JMY: variants seen among roughly 807,000 people sequenced by gnomAD.
The protein encoded by JMY is junction-mediating and -regulatory protein.
Under a neutral mutation model 103.3 loss-of-function variants are expected in JMY, and 46 were observed. The ratio of observed to expected loss-of-function variants is 0.45; its 90% CI spans 0.35 to 0.57. The LOEUF is 0.57. Ranked by LOEUF, JMY falls within the 20% of genes least tolerant of loss-of-function variation. JMY has a pLI of 0.00. For missense variants in JMY, 1,238 were observed against 1,255.2 expected (o/e 0.99, Z 0.21); for synonymous variants, 526 against 489.3 (o/e 1.07, Z -0.99).
At chr5:79,283,123 G>T (rs1746170744) in intron 2 of JMY, among the ~76,000 whole-genome samples, 1 of 151,968 alleles carries the variant, frequency 6.6e-6, no homozygotes, top group Non-Finnish European at 1.5e-5. Flanking sequence ...TCCCGGAGTA[G>T]CTGGGATTAC....
intron 1 of JMY, among the ~76,000 whole-genome samples, chr5:79,255,303 G>A (rs1460383485): frequency 3.9e-5 from 6 of 151,970 alleles, no homozygotes; most frequent in Admixed American, 3.9e-4. Flanking sequence ...CGCCATGTTG[G>A]CCAGGCTGGT....
At chr5:79,309,683 C>T (rs1399337605) in intron 7 of JMY, among the ~76,000 whole-genome samples, 1 of 152,176 alleles carries the variant, frequency 6.6e-6, no homozygotes, top group Admixed American at 6.5e-5. Context: ...TTCATTTTAA[C>T]CACATAAAAT....
intron 1 of JMY, among the ~76,000 whole-genome samples, chr5:79,275,622 G>C (rs972213261): frequency 1.3e-5 from 2 of 152,136 alleles, no homozygotes; most frequent in African/African-American, 4.8e-5. Flanking sequence ...ACTCTGTAGT[G>C]CCTACAGGCA....
In JMY at chr5:79,300,243, G is replaced by A. The variant is rs1400504849; in HGVS notation, c.1618G>A (p.Val540Ile). Residue 540 changes from valine to isoleucine, a missense_variant, in exon 5 of 11, where the codon GTA (valine) becomes ATA (isoleucine). Transcript: ENST00000396137. ...YYDLQLQLYE[V>I]QFEILKCEEL... Reference sequence around the variant, plus strand: ...TGATCTGCAACTTCAGTTGTATGAAGTACAGTTTGAAATCTTGAAGTGTGA... The same window carrying A: ...TGATCTGCAACTTCAGTTGTATGAAATACAGTTTGAAATCTTGAAGTGTGA... The A allele has an allele frequency of 6.2e-7, 1 of 1,604,470 alleles. No homozygotes were observed. Among genetic ancestry groups the A allele is most frequent in the Middle Eastern group, 1.7e-4 (1 of 6,032 alleles).
At chr5:79,300,617 T>C in intron 5 of JMY, 59 bp from the exon 6 acceptor site, 1 of 1,379,954 alleles carries the variant, frequency 7.2e-7, no homozygotes, top group Non-Finnish European at 9.9e-7. Flanking sequence ...AGAACCTTGT[T>C]CTTTCCAAAC....
Position 79,314,637 on chromosome 5 carries a change from A to ACCCCCCCCCCC in JMY, c.2447_2448insCCCCCCCCCCC (p.Pro820LeufsTer72), listed in dbSNP as rs1747152804. The ACCCCCCCCCCC allele has an allele frequency of 2.8e-6, 1 of 356,784 alleles. No homozygotes were observed. Among genetic ancestry groups the ACCCCCCCCCCC allele is most frequent in the Non-Finnish European group, 4.4e-6 (1 of 229,620 alleles). The allele number at this position is 356,784 out of a possible 1,614,324, so 22.1% of individuals were successfully genotyped here. ...TTCCTCCAACACCACCACCTCCCCCACCTCCTCCCCCTCCCCCACCACCAC... is the reference window on the plus strand; with the variant it reads ...TTCCTCCAACACCACCACCTCCCCCACCCCCCCCCCCCCTCCTCCCCCTCCCCCACCACCAC... On this transcript the variant is annotated frameshift_variant, in exon 9 of 11. Coordinates refer to ENST00000396137, the MANE Select transcript of JMY (RefSeq NM_152405.5). LOFTEE classifies it high-confidence loss of function.
At position 79,281,057 on chromosome 5, in the gene JMY, T is replaced by G. The variant is rs536461883; in HGVS notation, c.1206+2974T>G. Among the ~76,000 whole-genome samples, 17 of 151,800 alleles carry G rather than the reference T, an allele frequency of 1.1e-4. 1 individual carries two copies. In the South Asian group the frequency reaches 1.5e-3, roughly 13 times the overall value. On this transcript the variant is annotated intron_variant, in intron 2 of 10. Coordinates refer to ENST00000396137, the MANE Select transcript of JMY (RefSeq NM_152405.5). ...TTTATTTTTATTTTTATTTATTTATTTTTTTGAGACAGAGTCTCGCTCTGT... is the reference window on the plus strand; with the variant it reads ...TTTATTTTTATTTTTATTTATTTATGTTTTTGAGACAGAGTCTCGCTCTGT...
At chr5:79,265,582 T>C (rs181072028) in intron 1 of JMY, among the ~76,000 whole-genome samples, 1 of 151,856 alleles carries the variant, frequency 6.6e-6, no homozygotes, top group East Asian at 1.9e-4. Flanking sequence ...CTCTGTAGAC[T>C]AAAGATTAAA....
chr5:79,278,483 G>A (rs1746012104), intron 2 of JMY, among the ~76,000 whole-genome samples: 2 of 146,486 alleles, frequency 1.4e-5, no homozygotes, highest in African/African-American at 5.1e-5. Flanking sequence ...TGAGCGTGGT[G>A]CCTCACACCC....
chr5:79,314,369 G>C lies in JMY; in HGVS notation c.2177G>C (p.Ser726Thr). 6.2e-7 allele frequency: 1 copy of C among 1,614,152 alleles called. No individual in the cohort carries two copies. Among genetic ancestry groups the C allele is most frequent in the Non-Finnish European group, 8.5e-7 (1 of 1,180,032 alleles). Residue 726 changes from serine to threonine, a missense_variant, in exon 9 of 11, where the codon AGT (serine) becomes ACT (threonine). By Grantham distance (58) the Ser-to-Thr change is moderately conservative. Coordinates refer to ENST00000396137, the MANE Select transcript of JMY (RefSeq NM_152405.5). ...LQEDHCDSLPSVLQVEEKTEE... is the reference protein window; with the variant it reads ...LQEDHCDSLPTVLQVEEKTEE... ...GAGGATCATTGTGACTCTTTACCAA[G>C]TGTGTTACAGGTAGAAGAGAAAACT... is the stretch of plus-strand genomic sequence containing the variant.
chr5:79,318,975 A>G (rs1747350980), intron 10 of JMY, among the ~76,000 whole-genome samples: 1 of 151,996 alleles, frequency 6.6e-6, no homozygotes. Flanking sequence ...TAAAACTACC[A>G]TCTTTGCACT....
chr5:79,237,139 A>T lies in JMY; in HGVS notation c.489A>T (p.Ala163=), dbSNP rs1395054441. The change falls in exon 1 of 11, where the codon GCA becomes GCT. Residue 163 remains alanine (A), a synonymous_variant. Transcript: ENST00000396137. ...KTSEADDAAG[A]AAAAARPAPR... ...CTGAAGCCGACGATGCGGCGGGGGC[A>T]GCCGCTGCAGCAGCCCGGCCGGCGC... 1.3e-6 allele frequency: 2 copies of T among 1,547,946 alleles called. No homozygotes were observed. The highest frequency in any genetic ancestry group is 2.4e-5 in the South Asian group (2 of 83,986).
chr5:79,250,650 C>CTTTTT (rs200738584), intron 1 of JMY, among the ~76,000 whole-genome samples: 3 of 122,738 alleles, frequency 2.4e-5, no homozygotes, highest in Admixed American at 8.4e-5. Context: ...AATTATTTTT[C>CTTTTT]TTTTTTTTTT....
chr5:79,239,685 C>T (rs530439132), intron 1 of JMY, among the ~76,000 whole-genome samples: 10 of 151,974 alleles, frequency 6.6e-5, no homozygotes, highest in South Asian at 2.1e-4. Context: ...GTGGCGGGCA[C>T]CTGTAGTCCT....
intron 1 of JMY, among the ~76,000 whole-genome samples, chr5:79,252,719 T>G (rs1745125743): frequency 1.3e-5 from 2 of 152,254 alleles, no homozygotes; most frequent in Admixed American, 6.5e-5. Flanking sequence ...AATGACCTTC[T>G]TTGTCTCTAG....
intron 7 of JMY, among the ~76,000 whole-genome samples, chr5:79,309,588 T>C (rs1180741405): frequency 6.6e-6 from 1 of 152,202 alleles, no homozygotes; most frequent in Non-Finnish European, 1.5e-5. Flanking sequence ...TTTTCTGTCT[T>C]TAGCATCATA....
In JMY at chr5:79,300,853, G is replaced by T; in HGVS notation, c.1871G>T (p.Arg624Ile). 6.3e-7 allele frequency: 1 copy of T among 1,587,996 alleles called. No individual in the cohort carries two copies. The highest frequency in any genetic ancestry group is 8.5e-7 in the Non-Finnish European group (1 of 1,171,258). ...GTTTCTGCCAAGAAATCCTACCTCA[G>T]AAATAAAAAGGTATTTAAATATTGC... ...GRVSAKKSYLRNKKEICIAKH... is the reference protein window; with the variant it reads ...GRVSAKKSYLINKKEICIAKH... Residue 624 changes from arginine to isoleucine, a missense_variant, in exon 6 of 11, where the codon AGA becomes ATA. By Grantham distance (97) the Arg-to-Ile change is moderately conservative. Transcript: ENST00000396137.
At chr5:79,270,641 A>ATTTAAAATGTATATTTACATAAATG (rs1745751583) in intron 1 of JMY, among the ~76,000 whole-genome samples, 1 of 133,168 alleles carries the variant, frequency 7.5e-6, no homozygotes, top group South Asian at 2.3e-4. Flanking sequence ...TTACATAAAT[A>ATTTAAAATGTATATTTACATAAATG]TTTATATAAA....
At chr5:79,298,056 A>G (rs755080520) in intron 4 of JMY, among the ~76,000 whole-genome samples, 1 of 152,160 alleles carries the variant, frequency 6.6e-6, no homozygotes, top group Admixed American at 6.6e-5. Context: ...GGGACTTTCA[A>G]CTTTTTTCCT....
Sources: allele counts gnomAD v4.1 joint callset (sites outside exome capture counted in the v4.1 genomes callset), GRCh38; gene constraint gnomAD v4.1.1; transcripts MANE v1.5; gene names NCBI Gene and HGNC (gene_info 2026-07-23, HGNC 2026-07-21).